ROBO2: variants seen among roughly 807,000 people sequenced by gnomAD.
ROBO2 encodes the protein roundabout guidance receptor 2.
A neutral mutation model predicts 160.8 loss-of-function variants in ROBO2; 53 were observed. The ratio of observed to expected loss-of-function variants is 0.33; its 90% CI spans 0.26 to 0.41. ROBO2 has a LOEUF of 0.41. Among genes scored for constraint, ROBO2 ranks in the 10% least tolerant of loss-of-function variants. The pLI is 1.00. For synonymous variants in ROBO2, 664 were observed against 611.7 expected (o/e 1.09, Z -1.26); for missense variants, 1,577 against 1,722.4 (o/e 0.92, Z 1.49).
intron 1 of ROBO2, among the ~76,000 whole-genome samples, chr3:77,077,395 T>G (rs1000758157): frequency 7.9e-5 from 12 of 152,174 alleles, no homozygotes; most frequent in African/African-American, 2.9e-4. Context: ...ACGTCAGAAA[T>G]AAGTTAAATA....
intron 2 of ROBO2, among the ~76,000 whole-genome samples, chr3:75,989,403 A>G (rs2065503915): frequency 6.6e-6 from 1 of 152,166 alleles, no homozygotes; most frequent in Non-Finnish European, 1.5e-5. Context: ...GGCATGAGCC[A>G]CTGCGCCAGG....
intron 2 of ROBO2, among the ~76,000 whole-genome samples, chr3:76,697,779 T>A (rs1271508291): frequency 6.6e-6 from 1 of 152,194 alleles, no homozygotes; most frequent in Non-Finnish European, 1.5e-5. Flanking sequence ...TTCAGTCTGA[T>A]ATTTTGAGCC....
intron 2 of ROBO2, among the ~76,000 whole-genome samples, chr3:77,347,905 CT>C (rs1259643389): frequency 1.3e-5 from 2 of 152,202 alleles, no homozygotes; most frequent in East Asian, 3.9e-4. Context: ...TCTTAAAGTA[CT>C]TTCTAGGTGA....
At chr3:76,468,425 G>A (rs765245438) in intron 2 of ROBO2, among the ~76,000 whole-genome samples, 58 of 152,086 alleles carry the variant, frequency 3.8e-4, no homozygotes, top group Non-Finnish European at 5.9e-4. Context: ...TATTGGAAAC[G>A]TGCAAAAGCA....
chr3:77,570,637 A>G (rs1053005542), intron 13 of ROBO2, among the ~76,000 whole-genome samples: 3 of 152,020 alleles, frequency 2.0e-5, no homozygotes, highest in African/African-American at 7.2e-5. Context: ...TTTGAAAGAG[A>G]TAAATTAAGT....
At chr3:75,992,378 C>G (rs2065597929) in intron 2 of ROBO2, among the ~76,000 whole-genome samples, 1 of 152,168 alleles carries the variant, frequency 6.6e-6, no homozygotes, top group African/African-American at 2.4e-5. Flanking sequence ...CAAGCTCAGC[C>G]CATTGCTCCC....
intron 2 of ROBO2, among the ~76,000 whole-genome samples, chr3:76,243,150 A>C (rs1705401449): frequency 6.6e-6 from 1 of 152,042 alleles, no homozygotes. Context: ...TTTCTCTCGG[A>C]CTTCGGATGC....
intron 2 of ROBO2, among the ~76,000 whole-genome samples, chr3:76,783,372 G>A (rs1379047292): frequency 1.3e-5 from 2 of 150,746 alleles, no homozygotes; most frequent in African/African-American, 4.9e-5. Flanking sequence ...ATGTTTTCAT[G>A]TTGCTAATTA....
chr3:77,457,538 G>T (rs1296998288), intron 2 of ROBO2, among the ~76,000 whole-genome samples: 4 of 151,986 alleles, frequency 2.6e-5, no homozygotes, highest in Non-Finnish European at 1.5e-5. Flanking sequence ...ACTAAGAATT[G>T]GTCATAAAAC....
At chr3:77,640,096 C>CTT (rs1559785171) in intron 24 of ROBO2, among the ~76,000 whole-genome samples, 8 of 97,474 alleles carry the variant, frequency 8.2e-5, no homozygotes, top group Admixed American at 1.2e-4. Flanking sequence ...GCAGAGGAAG[C>CTT]ATTTTTTTTT....
At chr3:76,305,769 A>AG (rs2071314892) in intron 2 of ROBO2, among the ~76,000 whole-genome samples, 1 of 150,454 alleles carries the variant, frequency 6.6e-6, no homozygotes, top group South Asian at 2.1e-4. Flanking sequence ...AAAAAAAAAA[A>AG]TTGTCCACTT....
chr3:76,808,030 A>C (rs1197169997), intron 2 of ROBO2, among the ~76,000 whole-genome samples: 1 of 152,122 alleles, frequency 6.6e-6, no homozygotes, highest in East Asian at 1.9e-4. Context: ...AATCAATACG[A>C]TGTTAAGAGA....
intron 2 of ROBO2, among the ~76,000 whole-genome samples, chr3:76,525,098 AC>A: frequency 6.6e-6 from 1 of 151,666 alleles, no homozygotes; most frequent in East Asian, 1.9e-4. Flanking sequence ...TAGACTCTAA[AC>A]CCCTTAAGGG....
chr3:76,625,752 C>A (rs767718854), intron 2 of ROBO2, among the ~76,000 whole-genome samples: 1 of 152,070 alleles, frequency 6.6e-6, no homozygotes, highest in African/African-American at 2.4e-5. Context: ...GCAGGAAGCG[C>A]AACGTTGTGG....
chr3:75,919,923 C>T (rs1268697265), intron 1 of ROBO2, among the ~76,000 whole-genome samples: 1 of 151,968 alleles, frequency 6.6e-6, no homozygotes, highest in African/African-American at 2.4e-5. Flanking sequence ...TGATTTTTCT[C>T]TCTTTTCTTC....
At chr3:75,953,129 C>T (rs1432478066) in intron 2 of ROBO2, among the ~76,000 whole-genome samples, 2 of 151,840 alleles carry the variant, frequency 1.3e-5, no homozygotes, top group African/African-American at 4.8e-5. Context: ...TAAGTAAATA[C>T]CAGGGAATGT....
chr3:76,021,727 A>G (rs1224196629), intron 2 of ROBO2, among the ~76,000 whole-genome samples: 2 of 151,836 alleles, frequency 1.3e-5, no homozygotes, highest in Non-Finnish European at 2.9e-5. Context: ...TATTGCTAAA[A>G]TGCTAACGAT....
In ROBO2 at chr3:75,997,499, C is replaced by CT. The variant is rs56890342; in HGVS notation, c.109+59908dup. 2.1e-3 allele frequency among the ~76,000 whole-genome samples: 264 copies of CT among 126,508 alleles called. 14 individuals carry two copies. The highest frequency in any genetic ancestry group is 5.6e-3 in the African/African-American group (205 of 36,320). The allele number at this position is 126,508 out of a possible 152,430, so 83.0% of individuals were successfully genotyped here. ...AAGGCATTTGTTTTGTTCATCCATT[C>CT]TTTTTTTTTTTGAGACGGAGTCTCT... is the stretch of plus-strand genomic sequence containing the variant. On this transcript the variant is annotated intron_variant, in intron 2 of 26. Transcript: ENST00000487694.
Position 77,239,711 on chromosome 3 carries a change from T to C in ROBO2, c.388+141371T>C, listed in dbSNP as rs912611757. On this transcript the variant is annotated intron_variant, in intron 2 of 25. Coordinates refer to ENST00000461745, the Ensembl canonical transcript of ROBO2. Reference sequence around the variant, plus strand: ...ATCCTCTAGCTAGATGTAAAAGTTCTCCAAGTCCCCACTAGATTACCTAGA... The same window carrying C: ...ATCCTCTAGCTAGATGTAAAAGTTCCCCAAGTCCCCACTAGATTACCTAGA... Among the ~76,000 whole-genome samples the C allele has an allele frequency of 2.6e-5, 4 of 152,148 alleles. No homozygotes were observed. In the East Asian group the frequency reaches 7.7e-4, roughly 29 times the overall value.
Sources: allele counts gnomAD v4.1 joint callset (sites outside exome capture counted in the v4.1 genomes callset), GRCh38; gene constraint gnomAD v4.1.1; transcripts MANE v1.5; gene names NCBI Gene and HGNC (gene_info 2026-07-23, HGNC 2026-07-21).